The following NCF2 variants were observed in gnomAD, a reference collection of about 807,000 sequenced individuals.
NCF2 encodes neutrophil cytosolic factor 2.
Under a neutral mutation model 70.9 loss-of-function variants are expected in NCF2, and 45 were observed. That is an observed-to-expected ratio of 0.63 (90% CI 0.50 to 0.81). The LOEUF is 0.81. NCF2 is among the 40% of genes least tolerant of loss of function. The pLI is 0.00. For missense variants in NCF2, 522 were observed against 631.6 expected, an observed-to-expected ratio of 0.83 and a Z score of 1.86; for synonymous variants, 203 against 233.6, an observed-to-expected ratio of 0.87 and a Z score of 1.19.
chr1:183,587,060 C>T, intron 1 of NCF2, 83 bp from the exon 2 acceptor site: 1 of 1,326,838 alleles, frequency 7.5e-7, no homozygotes, highest in Non-Finnish European at 1.1e-6. Flanking sequence ...AGAGCCCTAG[C>T]TCCCTGTGGT....
intron 7 of NCF2, among the ~76,000 whole-genome samples, chr1:183,567,859 C>T (rs1476130526): frequency 2.6e-5 from 4 of 152,052 alleles, no homozygotes. Flanking sequence ...GTGAGGGATG[C>T]ACATAGAGGG....
At chr1:183,597,708 T>C in the NCF2 span, 2 of 152,360 alleles carry the variant, frequency 1.3e-5, no homozygotes, top group Admixed American at 6.5e-5. Context: ...AGTGAGAACA[T>C]GCAAGATTAG....
chr1:183,586,881 A>G lies in NCF2; in HGVS notation c.257+14T>C, dbSNP rs747657440. ...TCTGAAATCCTCCAGTTGGTGCAAC[A>G]TTGAACCACTTACTTCTCTGTCTGG... On this transcript the variant is annotated intron_variant, in intron 2 of 14. Coordinates refer to ENST00000367535, the MANE Select transcript of NCF2 (RefSeq NM_000433.4). 1.2e-6 allele frequency: 2 copies of G among 1,610,894 alleles called. No individual in the cohort carries two copies. The highest frequency in any genetic ancestry group is 1.7e-6 in the Non-Finnish European group (2 of 1,177,094).
chr1:183,599,527 C>CTCTT, the NCF2 span, among the ~76,000 whole-genome samples: 68 of 136,028 alleles, frequency 5.0e-4, no homozygotes, highest in Middle Eastern at 3.9e-3. Context: ...TTCTTTCTCT[C>CTCTT]TCTTTCTTTC....
chr1:183,590,383 A>C lies in NCF2; in HGVS notation c.-54T>G, dbSNP rs933107593. The C allele has an allele frequency of 6.2e-7, 1 of 1,606,404 alleles. No homozygotes were observed. Among genetic ancestry groups the C allele is most frequent in the Non-Finnish European group, 8.5e-7 (1 of 1,173,804 alleles). On this transcript the variant is annotated 5_prime_UTR_variant, in exon 1 of 15. Coordinates refer to ENST00000367535, the MANE Select transcript of NCF2 (RefSeq NM_000433.4). ...AGCTGCCAGGAGACAGAGAGAAGAC[A>C]GGTTGGAGCGTCTCCCCTAGCAGGG... is the stretch of plus-strand genomic sequence containing the variant.
intron 7 of NCF2, 126 bp from the exon 8 acceptor site, chr1:183,567,471 C>T (rs1450623704): frequency 7.5e-7 from 1 of 1,340,372 alleles, no homozygotes; most frequent in South Asian, 1.2e-5. Context: ...ACTGCAACTG[C>T]CGAGATGACA....
intron 3 of NCF2, among the ~76,000 whole-genome samples, chr1:183,574,990 G>T (rs748584833): frequency 2.0e-5 from 3 of 152,196 alleles, no homozygotes; most frequent in Non-Finnish European, 2.9e-5. Context: ...CTTGCTCAAG[G>T]CCCCTTCTAG....
intron 3 of NCF2, among the ~76,000 whole-genome samples, chr1:183,576,898 A>C (rs1672823672): frequency 6.6e-6 from 1 of 151,948 alleles, no homozygotes; most frequent in Admixed American, 6.6e-5. Flanking sequence ...CTGCTAGTAT[A>C]TATTTGGAAG....
At chr1:183,578,305 A>G (rs542511325) in intron 2 of NCF2, among the ~76,000 whole-genome samples, 1 of 148,856 alleles carries the variant, frequency 6.7e-6, no homozygotes, top group African/African-American at 2.5e-5. Context: ...TCCTCCCTAC[A>G]CTTTGGAAAA....
chr1:183,584,220 C>T (rs1013098461), intron 2 of NCF2, among the ~76,000 whole-genome samples: 9 of 152,236 alleles, frequency 5.9e-5, no homozygotes, highest in East Asian at 1.9e-4. Context: ...TGTACATAAA[C>T]GAATGTGTGT....
At chr1:183,596,297 A>G in the NCF2 span, among the ~76,000 whole-genome samples, 4 of 150,502 alleles carry the variant, frequency 2.7e-5, no homozygotes, top group East Asian at 3.9e-4. Flanking sequence ...TATAATGCCT[A>G]TTCATTTAAA....
intron 2 of NCF2, 117 bp from the exon 3 acceptor site, chr1:183,577,824 G>A: frequency 1.3e-6 from 1 of 787,354 alleles, no homozygotes; most frequent in South Asian, 1.4e-5. Flanking sequence ...AAGCCTTTCA[G>A]TTCCTTTTGA....
intron 5 of NCF2, among the ~76,000 whole-genome samples, chr1:183,572,757 A>C (rs1672625686): frequency 6.6e-6 from 1 of 152,028 alleles, no homozygotes. Context: ...CTCTCACCTC[A>C]GCCTCTCCAC....
chr1:183,580,752 G>A (rs1049823288), intron 2 of NCF2, among the ~76,000 whole-genome samples: 24 of 152,132 alleles, frequency 1.6e-4, no homozygotes, highest in Middle Eastern at 3.2e-3. Flanking sequence ...CAAGGCAGGC[G>A]GATCACTTGA....
chr1:183,586,906 G>C lies in NCF2; in HGVS notation c.246C>G (p.Tyr82Ter). ...VAYFQRGMLY[Y>*]QTEKYDLAIK... ...ATTGAACCACTTACTTCTCTGTCTGGTAGTAGAGCATCCCTCGTTGGAAGT... is the reference window on the plus strand; with the variant it reads ...ATTGAACCACTTACTTCTCTGTCTGCTAGTAGAGCATCCCTCGTTGGAAGT... Residue 82 changes from tyrosine to a stop codon, truncating the protein, a stop_gained, in exon 2 of 15, where the codon TAC becomes TAG. Transcript: ENST00000367535. LOFTEE classifies it high-confidence loss of function. 1 of 1,613,882 alleles carries C rather than the reference G, an allele frequency of 6.2e-7. No individual in the cohort carries two copies. Among genetic ancestry groups the C allele is most frequent in the Non-Finnish European group, 8.5e-7 (1 of 1,179,782 alleles).
chr1:183,581,303 A>G (rs1673060003), intron 2 of NCF2, among the ~76,000 whole-genome samples: 1 of 138,650 alleles, frequency 7.2e-6, no homozygotes, highest in South Asian at 2.4e-4. Context: ...AAAAAGAAAG[A>G]AAGAAAGAAA....
At chr1:183,576,158 GAGA>G (rs1169693460) in intron 3 of NCF2, among the ~76,000 whole-genome samples, 2 of 152,326 alleles carry the variant, frequency 1.3e-5, no homozygotes, top group African/African-American at 4.8e-5. Context: ...ACATCAGGAA[GAGA>G]AGGATTATAA....
chr1:183,575,801 C>G (rs1195511634), intron 3 of NCF2, among the ~76,000 whole-genome samples: 1 of 152,218 alleles, frequency 6.6e-6, no homozygotes, highest in Non-Finnish European at 1.5e-5. Flanking sequence ...ATGACGTGAA[C>G]TTGCCAAACT....
At chr1:183,596,776 T>C in the NCF2 span, among the ~76,000 whole-genome samples, 1 of 152,180 alleles carries the variant, frequency 6.6e-6, no homozygotes, top group South Asian at 2.1e-4. Flanking sequence ...GACATTTCTC[T>C]GCAGATCCAA....
Sources: allele counts gnomAD v4.1 joint callset (sites outside exome capture counted in the v4.1 genomes callset), GRCh38; gene constraint gnomAD v4.1.1; transcripts MANE v1.5; gene names NCBI Gene and HGNC (gene_info 2026-07-23, HGNC 2026-07-21).